Variants in ABCC12 observed in about 807,000 individuals in gnomAD.
The protein encoded by ABCC12 is ATP-binding cassette sub-family C member 12.
A neutral mutation model predicts 151.1 loss-of-function variants in ABCC12; 142 were observed. The observed-to-expected ratio is 0.94, with a 90% CI of 0.82 to 1.08. The LOEUF is 1.08. Among genes scored for constraint, ABCC12 ranks in the 50% least tolerant of loss-of-function variants. The pLI, the probability that ABCC12 is intolerant of heterozygous loss-of-function variation, is 0.00. For synonymous variants in ABCC12, 645 were observed against 646.4 expected (o/e 1.00, Z 0.03); for missense variants, 1,638 against 1,691.1 (o/e 0.97, Z 0.55).
rs1188892046 is a variant in ABCC12, at chr16:48,115,620, T to G, written c.1786-2A>C. On this transcript the variant is annotated splice_acceptor_variant, in intron 14 of 30. Transcript: ENST00000311303. LOFTEE classifies it high-confidence loss of function. ...GAGGTTGAGGCCCCGCTCCCCAATC[T>G]GTGGACAGGGACAATGCTACTGCCC... is the stretch of plus-strand genomic sequence containing the variant. 6.2e-7 allele frequency: 1 copy of G among 1,612,582 alleles called. No individual in the cohort carries two copies. The highest frequency in any genetic ancestry group is 8.5e-7 in the Non-Finnish European group (1 of 1,179,312).
At chr16:48,104,089 C>A in intron 22 of ABCC12, 53 bp downstream of exon 22, 3 of 1,523,150 alleles carry the variant, frequency 2.0e-6, no homozygotes, top group Non-Finnish European at 2.7e-6. Context: ...CACCTGATAC[C>A]CAGTCAGTGT....
At chr16:48,116,315 T>A (rs1342836813) in intron 14 of ABCC12, among the ~76,000 whole-genome samples, 1 of 152,160 alleles carries the variant, frequency 6.6e-6, no homozygotes, top group Non-Finnish European at 1.5e-5. Context: ...CCCCTCTCCC[T>A]GGGGAGCTCC....
At chr16:48,122,211 C>T in intron 12 of ABCC12, among the ~76,000 whole-genome samples, 1 of 152,222 alleles carries the variant, frequency 6.6e-6, no homozygotes, top group East Asian at 1.9e-4. Flanking sequence ...CTGGCTGGAT[C>T]CAACCCTGCT....
chr16:48,081,869 G>A lies in ABCC12; in HGVS notation c.*1846C>T, dbSNP rs1962356826. 6.6e-6 allele frequency among the ~76,000 whole-genome samples: 1 copy of A among 152,144 alleles called. No homozygotes were observed. Among genetic ancestry groups the A allele is most frequent in the Admixed American group, 6.5e-5 (1 of 15,274 alleles). On this transcript the variant is annotated 3_prime_UTR_variant, in exon 31 of 31. Coordinates refer to ENST00000311303, the MANE Select transcript of ABCC12 (RefSeq NM_001393797.1). Reference sequence around the variant, plus strand: ...ATCACAGACTGATTATCTGGCTGGTGTCCAGTTGGTAGAAAGTAAAGCATC... The same window carrying A: ...ATCACAGACTGATTATCTGGCTGGTATCCAGTTGGTAGAAAGTAAAGCATC...
At chr16:48,138,486 C>T (rs1964687085) in intron 7 of ABCC12, 111 bp from the exon 8 acceptor site, 5 of 1,279,126 alleles carry the variant, frequency 3.9e-6, no homozygotes, top group Non-Finnish European at 5.4e-6. Flanking sequence ...AGGAAGTTGG[C>T]TTCAGATTCT....
intron 11 of ABCC12, among the ~76,000 whole-genome samples, chr16:48,125,809 A>G (rs572481082): frequency 6.6e-6 from 1 of 152,340 alleles, no homozygotes; most frequent in East Asian, 1.9e-4. Context: ...CCTGTCATCA[A>G]TAATTCCTTA....
intron 10 of ABCC12, 147 bp from the exon 11 acceptor site, chr16:48,128,884 G>A (rs1964329870): frequency 1.1e-6 from 1 of 930,068 alleles, no homozygotes; most frequent in South Asian, 1.7e-5. Flanking sequence ...ATTCCCCCAG[G>A]AGAAGCTGCA....
chr16:48,113,528 G>A (rs1427084440), intron 15 of ABCC12, among the ~76,000 whole-genome samples: 2 of 152,298 alleles, frequency 1.3e-5, no homozygotes, highest in Admixed American at 6.5e-5. Flanking sequence ...TTAGAAGAGC[G>A]ATCATCCACC....
chr16:48,133,642 C>T (rs751175005), intron 9 of ABCC12, 45 bp downstream of exon 9: 17 of 1,600,158 alleles, frequency 1.1e-5, no homozygotes, highest in East Asian at 2.2e-5. Flanking sequence ...TGGGACTTGC[C>T]GGGGTCAGGT....
Position 48,148,382 on chromosome 16 carries a change from G to T in ABCC12, c.-50-1908C>A, listed in dbSNP as rs369659916. Among the ~76,000 whole-genome samples the T allele has an allele frequency of 1.1e-4, 16 of 151,948 alleles. No homozygotes were observed. In the East Asian group the frequency reaches 2.7e-3, roughly 26 times the overall value. ...TTCCCAAGTAGCAGGGACTACAGGC[G>T]TGCACCACCATGTCCAGCTAATTTT... On this transcript the variant is annotated intron_variant, in intron 2 of 30. Transcript: ENST00000311303.
Position 48,083,906 on chromosome 16 carries a change from TA to T in ABCC12, c.3993+2del. On this transcript the variant is annotated splice_donor_variant, in intron 30 of 30. Transcript: ENST00000311303. LOFTEE classifies it high-confidence loss of function. ...GAGGTGAAGCCAAAAGAGCTTCCTA[TA>T]CCTTCCCATTTTCCATAACCAGGAC... 1 of 1,612,220 alleles carries T rather than the reference TA, an allele frequency of 6.2e-7. No individual in the cohort carries two copies.
intron 14 of ABCC12, 114 bp from the exon 15 acceptor site, chr16:48,115,732 C>G: frequency 1.8e-6 from 2 of 1,117,914 alleles, no homozygotes; most frequent in South Asian, 3.3e-5. Context: ...CACTGATCCT[C>G]GCCATATCCA....
rs116964218 is a variant in ABCC12, at chr16:48,117,150, G to A, written c.1785+111C>T. The A allele has an allele frequency of 7.8e-4, 783 of 1,002,452 alleles. 5 individuals are homozygous for A. In the East Asian group the frequency reaches 0.019, roughly 25 times the overall value. 62.1% of individuals were successfully genotyped at this position (1,002,452 alleles called of 1,614,324 possible). On this transcript the variant is annotated intron_variant, in intron 14 of 30. Transcript: ENST00000311303. Reference sequence around the variant, plus strand: ...GGTGGAACCTGAGCTTTGCCCACACGTCCTTGGGGCATCTGGATGTGGAAC... The same window carrying A: ...GGTGGAACCTGAGCTTTGCCCACACATCCTTGGGGCATCTGGATGTGGAAC...
At chr16:48,138,481 G>A (rs1229124612) in intron 7 of ABCC12, 106 bp from the exon 8 acceptor site, 1 of 1,336,890 alleles carries the variant, frequency 7.5e-7, no homozygotes, top group Non-Finnish European at 1.0e-6. Flanking sequence ...TCTAAAGGAA[G>A]TTGGCTTCAG....
intron 11 of ABCC12, among the ~76,000 whole-genome samples, chr16:48,125,595 G>A (rs542199947): frequency 1.3e-5 from 2 of 152,274 alleles, no homozygotes; most frequent in South Asian, 2.1e-4. Context: ...GGAGACTGAC[G>A]TGTAAGCATG....
At chr16:48,144,673 C>T (rs932591294) in intron 3 of ABCC12, among the ~76,000 whole-genome samples, 1 of 152,166 alleles carries the variant, frequency 6.6e-6, no homozygotes, top group South Asian at 2.1e-4. Flanking sequence ...TCCTTCCCTA[C>T]ATCACTCTCC....
chr16:48,154,677 C>A (rs1178865936), intron 1 of ABCC12, among the ~76,000 whole-genome samples: 3 of 152,202 alleles, frequency 2.0e-5, no homozygotes, highest in Non-Finnish European at 4.4e-5. Context: ...CAAGAAGAAC[C>A]ATTTTCCACA....
At position 48,081,260 on chromosome 16, in the gene ABCC12, C is replaced by A. The variant is rs1338822912; in HGVS notation, c.*2455G>T. Among the ~76,000 whole-genome samples the A allele has an allele frequency of 2.0e-5, 3 of 152,236 alleles. No homozygotes were observed. The highest frequency in any genetic ancestry group is 2.0e-4 in the Admixed American group (3 of 15,282). ...TAAGCCTGTGCTTTGAGGAATTTGG[C>A]TAAATGGCTACTATTATTCTACATA... On this transcript the variant is annotated 3_prime_UTR_variant, in exon 31 of 31. Coordinates refer to ENST00000311303, the MANE Select transcript of ABCC12 (RefSeq NM_001393797.1).
At chr16:48,130,694 C>T (rs576128049) in intron 10 of ABCC12, 94 bp downstream of exon 10, 454 of 967,788 alleles carry the variant, frequency 4.7e-4, no homozygotes, top group Non-Finnish European at 4.8e-4. Flanking sequence ...AGCGACCCAG[C>T]TCTCCAGCAG....
Sources: allele counts gnomAD v4.1 joint callset (sites outside exome capture counted in the v4.1 genomes callset), GRCh38; gene constraint gnomAD v4.1.1; transcripts MANE v1.5; gene names NCBI Gene and HGNC (gene_info 2026-07-23, HGNC 2026-07-21).